The following MAD1L1 variants were observed in gnomAD, a reference collection of about 807,000 sequenced individuals.
MAD1L1 encodes mitotic arrest deficient 1 like 1, also known as mitotic spindle assembly checkpoint protein MAD1.
A neutral mutation model predicts 96.9 loss-of-function variants in MAD1L1; 95 were observed. The ratio of observed to expected loss-of-function variants is 0.98; its 90% confidence interval spans 0.83 to 1.16. MAD1L1 has a LOEUF of 1.16. Among genes scored for constraint, MAD1L1 ranks in the 50% most tolerant of loss-of-function variants. The pLI is 0.00. For synonymous variants in MAD1L1, 473 were observed against 396.6 expected (o/e 1.19, Z -2.29); for missense variants, 1,007 against 954.4 (o/e 1.06, Z -0.73).
At chr7:1,938,317 C>T (rs1034789319) in intron 16 of MAD1L1, among the ~76,000 whole-genome samples, 2 of 152,210 alleles carry the variant, frequency 1.3e-5, no homozygotes, top group African/African-American at 4.8e-5. Context: ...AGACCCCGAC[C>T]TCACATCACA....
intron 18 of MAD1L1, among the ~76,000 whole-genome samples, chr7:1,841,705 G>A (rs887849893): frequency 3.3e-5 from 5 of 152,250 alleles, no homozygotes; most frequent in Admixed American, 6.5e-5. Context: ...GAAGGTGGGC[G>A]CTGCTTCCCT....
Position 2,065,731 on chromosome 7 carries a change from G to A in MAD1L1, c.1218+3463C>T, listed in dbSNP as rs566429135. Reference sequence around the variant, plus strand: ...TGCTCAGCAGCCACGACGTGAGTCCGACGCCGCTGGACACCCAGCGTCAAC... The same window carrying A: ...TGCTCAGCAGCCACGACGTGAGTCCAACGCCGCTGGACACCCAGCGTCAAC... On this transcript the variant is annotated intron_variant, in intron 12 of 18. Coordinates refer to ENST00000265854, the MANE Select transcript of MAD1L1 (RefSeq NM_001013836.2). Among the ~76,000 whole-genome samples, 21 of 152,302 alleles carry A rather than the reference G, an allele frequency of 1.4e-4. No homozygotes were observed. The South Asian group carries it at 2.9e-3, about 21-fold the overall frequency.
chr7:2,079,270 C>T (rs1369131843), intron 11 of MAD1L1, among the ~76,000 whole-genome samples: 4 of 152,236 alleles, frequency 2.6e-5, no homozygotes, highest in Non-Finnish European at 5.9e-5. Flanking sequence ...TGCCCCAGGA[C>T]ATCAGGCTCA....
At chr7:1,890,942 C>T (rs1415963734) in intron 18 of MAD1L1, among the ~76,000 whole-genome samples, 2 of 152,206 alleles carry the variant, frequency 1.3e-5, no homozygotes, top group African/African-American at 4.8e-5. Flanking sequence ...GAATGCGGGA[C>T]CCCAGCAAGA....
At chr7:1,906,303 C>CTG (rs1162553996) in intron 17 of MAD1L1, among the ~76,000 whole-genome samples, 1 of 152,304 alleles carries the variant, frequency 6.6e-6, no homozygotes, top group East Asian at 1.9e-4. Context: ...CCAGGATAAC[C>CTG]CCGGCCATGC....
At chr7:1,880,459 C>G (rs971534754) in intron 18 of MAD1L1, among the ~76,000 whole-genome samples, 1 of 152,288 alleles carries the variant, frequency 6.6e-6, no homozygotes, top group East Asian at 1.9e-4. Context: ...GGAGGCCACT[C>G]GACACAGTGA....
chr7:2,177,033 T>C (rs931040356), intron 10 of MAD1L1, among the ~76,000 whole-genome samples: 11 of 151,994 alleles, frequency 7.2e-5, no homozygotes, highest in African/African-American at 2.7e-4. Context: ...ATTTCAGAAA[T>C]GGTGCGCTTC....
chr7:2,045,358 G>C lies in MAD1L1; in HGVS notation c.1218+23836C>G, dbSNP rs182955067. On this transcript the variant is annotated intron_variant, in intron 12 of 18. Coordinates refer to ENST00000265854, the MANE Select transcript of MAD1L1 (RefSeq NM_001013836.2). The stretch of plus-strand genomic sequence containing the variant: ...CCTGTGAGAGTCTCTGTGTCCCTGT[G>C]AGAGTGACTCCCAGCCCTCAGGCTG... Among the ~76,000 whole-genome samples, 615 of 152,248 alleles carry C rather than the reference G, an allele frequency of 4.0e-3. 6 individuals are homozygous for C. Among genetic ancestry groups the C allele is most frequent in the African/African-American group, 0.014 (583 of 41,536 alleles).
chr7:1,953,229 C>G (rs925223905), intron 16 of MAD1L1, among the ~76,000 whole-genome samples: 1 of 152,170 alleles, frequency 6.6e-6, no homozygotes, highest in Non-Finnish European at 1.5e-5. Context: ...GAACGGTCTC[C>G]GTGTGCTTCC....
chr7:2,222,468 G>A (rs1386133969), intron 5 of MAD1L1, 107 bp downstream of exon 5: 6 of 946,504 alleles, frequency 6.3e-6, no homozygotes, highest in South Asian at 1.9e-5. Context: ...AGCTGCCCGT[G>A]TGGGAAGCAC....
At chr7:1,875,685 A>T (rs1785351458) in intron 18 of MAD1L1, among the ~76,000 whole-genome samples, 1 of 152,218 alleles carries the variant, frequency 6.6e-6, no homozygotes, top group Admixed American at 6.5e-5. Flanking sequence ...GTAACGCTGC[A>T]TGTGCAACAG....
At chr7:2,221,957 G>A (rs1793629540) in intron 5 of MAD1L1, among the ~76,000 whole-genome samples, 1 of 152,136 alleles carries the variant, frequency 6.6e-6, no homozygotes, top group Admixed American at 6.5e-5. Context: ...GCTGAGGGAA[G>A]GGCTACCTGT....
intron 10 of MAD1L1, among the ~76,000 whole-genome samples, chr7:2,173,540 T>G (rs915933420): frequency 6.6e-6 from 1 of 152,246 alleles, no homozygotes; most frequent in African/African-American, 2.4e-5. Context: ...CTCTTTAAAC[T>G]GTTCAAATCT....
Position 1,966,419 on chromosome 7 carries a change from G to A in MAD1L1, c.1506-8700C>T, listed in dbSNP as rs557160199. On this transcript the variant is annotated intron_variant, in intron 15 of 18. Coordinates refer to ENST00000265854, the MANE Select transcript of MAD1L1 (RefSeq NM_001013836.2). The stretch of plus-strand genomic sequence containing the variant: ...GGTTATCTGGGAAGTGCGGCGGAGA[G>A]GGGCCACAAGACGGCCCATGCAGAC... 1.5e-4 allele frequency among the ~76,000 whole-genome samples: 23 copies of A among 152,242 alleles called. No homozygotes were observed. In the South Asian group the frequency reaches 4.8e-3, roughly 32 times the overall value.
Position 2,219,361 on chromosome 7 carries a change from C to A in MAD1L1, c.567G>T (p.Glu189Asp). Residue 189 changes from glutamate to aspartate, a missense_variant, in exon 6 of 19, where the codon GAG becomes GAT. Glu to Asp is a conservative substitution (Grantham distance 45). Transcript: ENST00000265854. ...RVKRLESEKQ[E>D]LQEQLDLQHK... The stretch of plus-strand genomic sequence containing the variant: ...GTTGCAGGTCCAGCTGCTCCTGCAG[C>A]TCCTGCTTCTCCGACTCCAGGCGCT... 1 of 1,596,016 alleles carries A rather than the reference C, an allele frequency of 6.3e-7. No homozygotes were observed. The highest frequency in any genetic ancestry group is 8.5e-7 in the Non-Finnish European group (1 of 1,170,504).
chr7:2,054,984 C>T (rs560428764), intron 12 of MAD1L1, among the ~76,000 whole-genome samples: 2 of 152,310 alleles, frequency 1.3e-5, no homozygotes, highest in South Asian at 2.1e-4. Context: ...AGGAGCCGAG[C>T]GGTGGGGCCG....
At chr7:2,071,846 C>A (rs757515122) in intron 11 of MAD1L1, among the ~76,000 whole-genome samples, 8 of 152,204 alleles carry the variant, frequency 5.3e-5, no homozygotes, top group Non-Finnish European at 8.8e-5. Context: ...GTGGCGGCCT[C>A]CATCAAAACC....
intron 11 of MAD1L1, among the ~76,000 whole-genome samples, chr7:2,135,678 C>G (rs3778992): frequency 0.51 from 77,145 of 152,046 alleles, 19,872 homozygotes; most frequent in East Asian, 0.7. Flanking sequence ...TCACAGCGAC[C>G]CTCGGGACAA....
At chr7:2,128,422 C>T (rs1788342354) in intron 11 of MAD1L1, among the ~76,000 whole-genome samples, 1 of 152,050 alleles carries the variant, frequency 6.6e-6, no homozygotes, top group Admixed American at 6.5e-5. Context: ...GTTCATGAAA[C>T]ACTCGCTCAT....
Sources: allele counts gnomAD v4.1 joint callset (sites outside exome capture counted in the v4.1 genomes callset), GRCh38; gene constraint gnomAD v4.1.1; transcripts MANE v1.5; gene names NCBI Gene and HGNC (gene_info 2026-07-23, HGNC 2026-07-21).